SATB1: variants seen among roughly 807,000 people sequenced by gnomAD.
SATB1 encodes the protein SATB homeobox 1.
A neutral mutation model predicts 86.9 loss-of-function variants in SATB1; 11 were observed. The observed-to-expected ratio is 0.13, with a 90% CI of 0.08 to 0.21. The LOEUF (loss-of-function observed/expected upper bound fraction) is 0.21. Among genes scored for constraint, SATB1 ranks in the 10% least tolerant of loss-of-function variants. The pLI, the probability that SATB1 is intolerant of heterozygous loss-of-function variation, is 1.00. For synonymous variants in SATB1, 357 were observed against 357.2 expected, an observed-to-expected ratio of 1.00 and a Z score of 0.01; for missense variants, 551 against 937.6, an observed-to-expected ratio of 0.59 and a Z score of 5.39.
At chr3:18,412,027 A>G in intron 5 of SATB1, among the ~76,000 whole-genome samples, 1 of 151,716 alleles carries the variant, frequency 6.6e-6, no homozygotes, top group Non-Finnish European at 1.5e-5. Flanking sequence ...ACTAGAGTGC[A>G]GTGGTGCTAT....
rs186106300 is a variant in SATB1 at position 18,422,341 on chromosome 3, T to C, written c.-25+1286A>G. ...TTTAACCATAGCCTACTTCTTACCA[T>C]ATAATCAAGAAAAGGGGGGCAGCAA... On this transcript the variant is annotated intron_variant, in intron 1 of 10. Transcript: ENST00000338745. 2.1e-3 allele frequency among the ~76,000 whole-genome samples: 317 copies of C among 152,334 alleles called. 1 individual carries two copies. Among genetic ancestry groups the C allele is most frequent in the Middle Eastern group, 3.4e-3 (1 of 292 alleles).
chr3:18,384,651 C>T (rs1161719386), intron 8 of SATB1, among the ~76,000 whole-genome samples: 1 of 151,974 alleles, frequency 6.6e-6, no homozygotes. Flanking sequence ...AGAAAAAGTA[C>T]CAAACCAAAT....
At chr3:18,413,356 C>G (rs935584149) in intron 5 of SATB1, among the ~76,000 whole-genome samples, 2 of 152,102 alleles carry the variant, frequency 1.3e-5, no homozygotes, top group Admixed American at 6.6e-5. Flanking sequence ...ACAGCCTCTT[C>G]TTCAGCTCAT....
In SATB1 at chr3:18,348,955, T is replaced by C. The variant is rs1694202967; in HGVS notation, c.*215A>G. On this transcript the variant is annotated 3_prime_UTR_variant, in exon 11 of 11. Transcript: ENST00000338745. The stretch of plus-strand genomic sequence containing the variant: ...AATTTTAATACCAAACAATCCTTGA[T>C]GCTTCACCTGGGGCTGCCAAGCAGT... 5 of 703,864 alleles carry C rather than the reference T, an allele frequency of 7.1e-6. No homozygotes were observed. Among genetic ancestry groups the C allele is most frequent in the Non-Finnish European group, 1.1e-5 (5 of 444,200 alleles). 43.6% of individuals were successfully genotyped at this position (703,864 alleles called of 1,614,324 possible). A position where few individuals can be genotyped will look rare whatever the true frequency, so the allele number is the denominator to read the frequency against.
At chr3:18,392,308 T>C (rs1442661421) in intron 7 of SATB1, among the ~76,000 whole-genome samples, 1 of 152,092 alleles carries the variant, frequency 6.6e-6, no homozygotes, top group Non-Finnish European at 1.5e-5. Context: ...ACAAATCCTG[T>C]AGATATTGTG....
intron 5 of SATB1, chr3:18,409,218 T>C (rs541409977): frequency 9.9e-5 from 15 of 152,050 alleles, no homozygotes; most frequent in Non-Finnish European, 1.9e-4. Context: ...ATCAATCCAT[T>C]TTAAATTAGA....
At chr3:18,416,609 C>T (rs900025474) in intron 3 of SATB1, among the ~76,000 whole-genome samples, 10 of 152,054 alleles carry the variant, frequency 6.6e-5, no homozygotes, top group South Asian at 2.1e-4. Flanking sequence ...TGCTCAAATA[C>T]GCTCCTCACT....
chr3:18,370,213 T>C (rs1308898087), intron 9 of SATB1, among the ~76,000 whole-genome samples: 1 of 152,294 alleles, frequency 6.6e-6, no homozygotes, highest in East Asian at 1.9e-4. Flanking sequence ...AAGCATATTT[T>C]GGAATGATAA....
intron 9 of SATB1, among the ~76,000 whole-genome samples, chr3:18,370,959 G>A (rs1227316385): frequency 1.3e-5 from 2 of 152,212 alleles, no homozygotes; most frequent in African/African-American, 2.4e-5. Flanking sequence ...AGTTTCAGGG[G>A]AAACCATGTG....
chr3:18,420,670 T>C (rs1698338003), intron 2 of SATB1, 87 bp downstream of exon 2: 1 of 1,026,984 alleles, frequency 9.7e-7, no homozygotes, highest in Non-Finnish European at 1.5e-6. Context: ...ATACAAAACA[T>C]GTTCTGCCAC....
intron 9 of SATB1, among the ~76,000 whole-genome samples, chr3:18,355,238 GCT>G (rs1440926025): frequency 6.6e-6 from 1 of 151,988 alleles, no homozygotes; most frequent in African/African-American, 2.4e-5. Context: ...TGACACATTA[GCT>G]CTCTGTCAGT....
chr3:18,380,556 T>A (rs74712561), intron 8 of SATB1, among the ~76,000 whole-genome samples: 2,345 of 151,876 alleles, frequency 0.015, 34 homozygotes, highest in African/African-American at 0.027. Context: ...CAAGAAATAT[T>A]TTTTTTTAAA....
chr3:18,420,716 A>T, intron 2 of SATB1, 41 bp downstream of exon 2: 1 of 1,557,240 alleles, frequency 6.4e-7, no homozygotes, highest in Non-Finnish European at 8.8e-7. Context: ...TGTAGACAAC[A>T]GGGCTTTCAG....
intron 5 of SATB1, chr3:18,411,180 T>A (rs1018123277): frequency 6.1e-6 from 2 of 325,960 alleles, no homozygotes; most frequent in Non-Finnish European, 1.1e-5. Flanking sequence ...CCACTTTATA[T>A]GACTTGGCTT....
chr3:18,445,090 C>G (rs1384650601), intron 1 of SATB1: 1 of 482,312 alleles, frequency 2.1e-6, no homozygotes, highest in Non-Finnish European at 2.7e-6. Context: ...CGCTTCGGAC[C>G]GGGCACGCTG....
intron 5 of SATB1, among the ~76,000 whole-genome samples, chr3:18,411,303 C>A (rs1450086494): frequency 6.6e-6 from 1 of 152,024 alleles, no homozygotes; most frequent in Non-Finnish European, 1.5e-5. Flanking sequence ...TGTACGCCCA[C>A]ATGTGTGGTG....
intron 9 of SATB1, among the ~76,000 whole-genome samples, chr3:18,363,609 C>T (rs932989954): frequency 7.9e-5 from 12 of 152,220 alleles, no homozygotes; most frequent in Admixed American, 1.3e-4. Flanking sequence ...CCCACTCCAG[C>T]GCCTCTTCCC....
chr3:18,441,582 G>A (rs1441109001), upstream of SATB1, among the ~76,000 whole-genome samples: 1 of 152,062 alleles, frequency 6.6e-6, no homozygotes, highest in Non-Finnish European at 1.5e-5. Flanking sequence ...GTGTGTAAAG[G>A]GCATATCTAT....
chr3:18,442,567 G>A (rs748206576), upstream of SATB1, among the ~76,000 whole-genome samples: 3 of 152,126 alleles, frequency 2.0e-5, no homozygotes, highest in Non-Finnish European at 4.4e-5. Flanking sequence ...ATTTTATATA[G>A]TATACACATT....
Sources: gnomAD v4.1 joint callset for allele counts (sites outside exome capture counted in the v4.1 genomes callset) on GRCh38, gnomAD v4.1.1 for gene constraint, MANE v1.5 for transcripts, NCBI Gene and HGNC (gene_info 2026-07-23, HGNC 2026-07-21) for gene names.